RAD51B: variants seen among roughly 807,000 people sequenced by gnomAD.
The protein encoded by RAD51B is RAD51 paralog B.
In RAD51B, 38 loss-of-function variants were observed where a neutral mutation model predicts 42.2. The ratio of observed to expected loss-of-function variants is 0.90; its 90% CI spans 0.70 to 1.18. The LOEUF (loss-of-function observed/expected upper bound fraction) is 1.18, where lower values mean the gene tolerates loss of function less well. RAD51B is among the 50% of genes most tolerant of loss of function. RAD51B has a pLI of 0.00. For synonymous variants in RAD51B, 154 were observed against 145.2 expected (o/e 1.06, Z -0.43); for missense variants, 373 against 400.7 (o/e 0.93, Z 0.59).
chr14:68,051,874 A>ATGTGTG (rs72459876), intron 7 of RAD51B, among the ~76,000 whole-genome samples: 155 of 148,848 alleles, frequency 1.0e-3, no homozygotes, highest in African/African-American at 3.7e-3. Flanking sequence ...CCTCCCACAT[A>ATGTGTG]TGTGTGTGTG....
At chr14:68,563,427 A>G (rs773627859) in intron 10 of RAD51B, 136 of 985,320 alleles carry the variant, frequency 1.4e-4, no homozygotes, top group Non-Finnish European at 1.6e-4. Context: ...TATTTACCCA[A>G]AGAAAACAGG....
At chr14:68,601,455 C>A (rs757986781) in intron 10 of RAD51B, among the ~76,000 whole-genome samples, 1 of 152,120 alleles carries the variant, frequency 6.6e-6, no homozygotes, top group Non-Finnish European at 1.5e-5. Context: ...CTAAAGGGGG[C>A]TGGGAGAGTG....
intron 7 of RAD51B, among the ~76,000 whole-genome samples, chr14:67,997,639 T>A (rs2075407829): frequency 6.6e-6 from 1 of 152,218 alleles, no homozygotes. Flanking sequence ...TGCTTTTACC[T>A]GTTTTTTGAT....
chr14:68,139,020 G>T (rs1428592475), intron 7 of RAD51B, among the ~76,000 whole-genome samples: 1 of 150,158 alleles, frequency 6.7e-6, no homozygotes, highest in Non-Finnish European at 1.5e-5. Context: ...AAATGTTTCT[G>T]CAAGATAAAG....
chr14:68,194,323 C>G (rs2079325507), intron 7 of RAD51B, among the ~76,000 whole-genome samples: 1 of 152,066 alleles, frequency 6.6e-6, no homozygotes, highest in Non-Finnish European at 1.5e-5. Flanking sequence ...TACTGCTATT[C>G]CAGGCAAGAA....
chr14:68,492,638 A>G (rs79865782), intron 10 of RAD51B, among the ~76,000 whole-genome samples: 21,436 of 152,252 alleles, frequency 0.14, 2,024 homozygotes, highest in Non-Finnish European at 0.21. Flanking sequence ...GGCCTACACA[A>G]TAGCTTGCAC....
At chr14:67,999,414 A>G (rs2075440371) in intron 7 of RAD51B, among the ~76,000 whole-genome samples, 1 of 152,224 alleles carries the variant, frequency 6.6e-6, no homozygotes, top group Admixed American at 6.5e-5. Flanking sequence ...ATTAAAACCC[A>G]AATGGGATAG....
intron 7 of RAD51B, among the ~76,000 whole-genome samples, chr14:68,212,309 C>A (rs2079727441): frequency 6.6e-6 from 1 of 152,170 alleles, no homozygotes; most frequent in Non-Finnish European, 1.5e-5. Context: ...TGACCTAAGA[C>A]CCCGCTCTAA....
At chr14:68,056,156 G>C (rs950654368) in intron 7 of RAD51B, among the ~76,000 whole-genome samples, 1 of 151,898 alleles carries the variant, frequency 6.6e-6, no homozygotes, top group African/African-American at 2.4e-5. Context: ...CTAAAGAAAA[G>C]TTTTCTTTTG....
At chr14:68,539,039 C>A (rs1040146357) in intron 10 of RAD51B, among the ~76,000 whole-genome samples, 1 of 152,182 alleles carries the variant, frequency 6.6e-6, no homozygotes, top group African/African-American at 2.4e-5. Flanking sequence ...TCTCCATTAG[C>A]TAAGTGTAAA....
chr14:67,999,707 C>G (rs1233253615), intron 7 of RAD51B, among the ~76,000 whole-genome samples: 2 of 152,130 alleles, frequency 1.3e-5, no homozygotes, highest in African/African-American at 4.8e-5. Context: ...CTTGGCATAT[C>G]ATAGAGGTTC....
intron 11 of RAD51B, among the ~76,000 whole-genome samples, chr14:68,674,884 C>T (rs1022397941): frequency 1.3e-5 from 2 of 152,212 alleles, no homozygotes; most frequent in African/African-American, 4.8e-5. Flanking sequence ...GAAGGGGACG[C>T]CACCTGGACG....
At chr14:68,362,758 A>G (rs2083055537) in intron 8 of RAD51B, among the ~76,000 whole-genome samples, 1 of 152,156 alleles carries the variant, frequency 6.6e-6, no homozygotes, top group Admixed American at 6.5e-5. Context: ...CTGAGGCAAG[A>G]GAATTGCTTG....
At chr14:68,216,915 A>T (rs1463387346) in intron 7 of RAD51B, among the ~76,000 whole-genome samples, 1 of 152,144 alleles carries the variant, frequency 6.6e-6, no homozygotes, top group Non-Finnish European at 1.5e-5. Flanking sequence ...TTATTTCATG[A>T]GGCCTTTGAT....
At chr14:67,912,708 G>GT (rs775992140) in intron 7 of RAD51B, among the ~76,000 whole-genome samples, 2,325 of 143,888 alleles carry the variant, frequency 0.016, 32 homozygotes, top group African/African-American at 0.038. Flanking sequence ...ACTTCTCTAA[G>GT]TTTTTTTTTT....
chr14:67,887,227 T>A (rs1292680368), intron 7 of RAD51B, 23 bp downstream of exon 7: 1 of 1,559,690 alleles, frequency 6.4e-7, no homozygotes, highest in Non-Finnish European at 8.8e-7. Flanking sequence ...TTTTTTCTCT[T>A]TTTTCTTTTC....
intron 7 of RAD51B, among the ~76,000 whole-genome samples, chr14:67,937,337 G>C (rs1043698066): frequency 6.6e-6 from 1 of 152,130 alleles, no homozygotes; most frequent in Non-Finnish European, 1.5e-5. Context: ...TAGGGATTGG[G>C]GTAGTGAGAA....
At chr14:68,511,034 C>T (rs935949327) in intron 10 of RAD51B, among the ~76,000 whole-genome samples, 2 of 152,148 alleles carry the variant, frequency 1.3e-5, no homozygotes, top group African/African-American at 2.4e-5. Context: ...TCATCTAAAG[C>T]TGGTCTGGAA....
chr14:68,255,502 A>G (rs566783939), intron 7 of RAD51B, among the ~76,000 whole-genome samples: 3 of 152,296 alleles, frequency 2.0e-5, no homozygotes, highest in African/African-American at 2.4e-5. Context: ...CTAATTTTCA[A>G]AGTCCCACAA....
Sources: gnomAD v4.1 joint callset for allele counts (sites outside exome capture counted in the v4.1 genomes callset) on GRCh38, gnomAD v4.1.1 for gene constraint, MANE v1.5 for transcripts, NCBI Gene and HGNC (gene_info 2026-07-23, HGNC 2026-07-21) for gene names.